The following INTS5 variants were observed in gnomAD, a reference collection of about 807,000 sequenced individuals.
INTS5 encodes integrator complex subunit 5, also known as KIAA1698.
INTS5 carries 29 observed loss-of-function variants against 60.0 expected under a neutral mutation model. That is an observed-to-expected ratio of 0.48 (90% CI 0.36 to 0.66). The LOEUF (loss-of-function observed/expected upper bound fraction) is 0.66, where lower values mean the gene tolerates loss of function less well. Among genes scored for constraint, INTS5 ranks in the 30% least tolerant of loss-of-function variants. The pLI is 0.00. For missense variants in INTS5, 1,129 were observed against 1,307.9 expected (o/e 0.86, Z 2.11); for synonymous variants, 588 against 558.8 (o/e 1.05, Z -0.74).
At position 62,648,819 on chromosome 11, in the gene INTS5, T is replaced by C; in HGVS notation, c.1261A>G (p.Thr421Ala). ...TCTGGCACAGCCAGGCCCTGGGTGG[T>C]AATGACCGAAGCAGGCATAGCTGTG... The part of the protein sequence containing the change: ...VDTAMPASVI[T>A]TQGLAVPDTV... Residue 421 changes from threonine to alanine, a missense_variant, in exon 2 of 2, where the codon ACC becomes GCC. Physicochemically the swap from Thr to Ala is moderately conservative, Grantham distance 58. Transcript: ENST00000330574. The surrounding 1 kb of genome is among the most constrained non-coding windows in gnomAD (Gnocchi z 4.4). 6.2e-7 allele frequency: 1 copy of C among 1,614,022 alleles called. No individual in the cohort carries two copies. The highest frequency in any genetic ancestry group is 1.3e-5 in the African/African-American group (1 of 75,018).
Position 62,648,713 on chromosome 11 carries a change from G to T in INTS5, c.1367C>A (p.Ser456Tyr). 6.2e-7 allele frequency: 1 copy of T among 1,614,170 alleles called. No homozygotes were observed. Among genetic ancestry groups the T allele is most frequent in the Non-Finnish European group, 8.5e-7 (1 of 1,180,026 alleles). ...LQKLVHHRGG[S>Y]PGEGVLGPPP... is the part of the protein sequence containing the mutation. Reference sequence around the variant, plus strand: ...CGGGCCTAGCACCCCTTCCCCAGGAGACCCTCCCCGGTGATGAACCAGTTT... The same window carrying T: ...CGGGCCTAGCACCCCTTCCCCAGGATACCCTCCCCGGTGATGAACCAGTTT... The change falls in exon 2 of 2, where the codon TCT (serine) becomes TAT (tyrosine). Residue 456 changes from serine to tyrosine, a missense_variant. Ser to Tyr is a moderately radical substitution (Grantham distance 144). Transcript: ENST00000330574. The surrounding 1 kb of genome is among the most constrained non-coding windows in gnomAD (Gnocchi z 4.4).
At chr11:62,652,700 A>ATTT (rs1944605748) in intron 1 of INTS5, among the ~76,000 whole-genome samples, 1 of 152,134 alleles carries the variant, frequency 6.6e-6, no homozygotes. Flanking sequence ...TTTTCTGTCA[A>ATTT]AGAAGACAGC....
intron 1 of INTS5, 148 bp from the exon 2 acceptor site, chr11:62,650,147 C>T (rs1490345689): frequency 3.1e-6 from 2 of 649,626 alleles, no homozygotes; most frequent in Non-Finnish European, 5.2e-6. Flanking sequence ...GATGGAGTCT[C>T]GCTCTGTTGT....
rs80125678 is a variant in INTS5, at chr11:62,648,591, G to T, written c.1489C>A (p.Leu497Ile). ...ETLRLERKRF[L>I]WQHQLLGLLS... is the part of the protein sequence containing the mutation. ...AGGCCCAAGAGCTGGTGCTGCCAGA[G>T]GAAGCGCTTCCGTTCCAATCGTAAC... The change falls in exon 2 of 2, where the codon CTC (leucine) becomes ATC (isoleucine). Residue 497 changes from leucine to isoleucine, a missense_variant. By Grantham distance (5) the Leu-to-Ile change is conservative. Coordinates refer to ENST00000330574, the MANE Select transcript of INTS5 (RefSeq NM_030628.2). The surrounding 1 kb of genome is among the most constrained non-coding windows in gnomAD (Gnocchi z 4.4). The T allele has an allele frequency of 3.7e-4, 593 of 1,614,128 alleles. 1 individual carries two copies. In the African/African-American group the frequency reaches 6.2e-3, roughly 17 times the overall value.
rs765862988 is a variant in INTS5, at chr11:62,649,911, G to A, written c.169C>T (p.Arg57Cys). 9.3e-6 allele frequency: 15 copies of A among 1,614,172 alleles called. No individual in the cohort carries two copies. Among genetic ancestry groups the A allele is most frequent in the East Asian group, 6.7e-5 (3 of 44,882 alleles). The change falls in exon 2 of 2, where the codon CGC becomes TGC. Residue 57 changes from arginine to cysteine, a missense_variant. By Grantham distance (180) the Arg-to-Cys change is radical (BLOSUM62 -3). Coordinates refer to ENST00000330574, the MANE Select transcript of INTS5 (RefSeq NM_030628.2). The surrounding 1 kb of genome is among the most constrained non-coding windows in gnomAD (Gnocchi z 6.0). ...GHQLSAREHA[R>C]CGLLLLRSLP... Reference sequence around the variant, plus strand: ...GAACGGAGCAGGAGAAGACCACAGCGAGCATGTTCCCGGGCTGAGAGTTGG... The same window carrying A: ...GAACGGAGCAGGAGAAGACCACAGCAAGCATGTTCCCGGGCTGAGAGTTGG...
At position 62,649,463 on chromosome 11, in the gene INTS5, T is replaced by C. The variant is rs750629885; in HGVS notation, c.617A>G (p.Asp206Gly). The C allele has an allele frequency of 3.7e-6, 6 of 1,614,172 alleles. No individual in the cohort carries two copies. The highest frequency in any genetic ancestry group is 4.2e-6 in the Non-Finnish European group (5 of 1,180,032). Residue 206 changes from aspartate (D) to glycine (G), a missense_variant, in exon 2 of 2, where the codon GAT (aspartate) becomes GGT (glycine). By Grantham distance (94) the Asp-to-Gly change is moderately conservative. Coordinates refer to ENST00000330574, the MANE Select transcript of INTS5 (RefSeq NM_030628.2). The surrounding 1 kb of genome is among the most constrained non-coding windows in gnomAD (Gnocchi z 6.0). ...CLSALIGSCP[D>G]ACVDALLDTS... ...ATCCAGCAAGGCATCCACACACGCA[T>C]CTGGGCAGCTACCAATGAGAGCCGA...
rs1355329484 is a variant in INTS5 at position 62,648,554 on chromosome 11, T to A, written c.1526A>T (p.Tyr509Phe). The change falls in exon 2 of 2, where the codon TAT becomes TTT. Residue 509 changes from tyrosine to phenylalanine, a missense_variant. Transcript: ENST00000330574. This position sits in a 1 kb window ranked among gnomAD's most constrained non-coding sequence, Gnocchi z 4.4. The part of the protein sequence containing the change: ...QHQLLGLLSV[Y>F]TRPSCGPEAL... ...CTCAGGTCCACAGCTAGGCCGGGTA[T>A]AGACAGACAGCAGGCCCAAGAGCTG... 1.2e-6 allele frequency: 2 copies of A among 1,614,012 alleles called. No individual in the cohort carries two copies. The highest frequency in any genetic ancestry group is 1.7e-6 in the Non-Finnish European group (2 of 1,180,050).
In INTS5 at chr11:62,647,896, C is replaced by G. The variant is rs768896981; in HGVS notation, c.2184G>C (p.Leu728=). 1.2e-6 allele frequency: 2 copies of G among 1,614,232 alleles called. No individual in the cohort carries two copies. Among genetic ancestry groups the G allele is most frequent in the Non-Finnish European group, 8.5e-7 (1 of 1,180,028 alleles). Residue 728 remains leucine, a synonymous_variant, in exon 2 of 2, where the codon CTG becomes CTC. Transcript: ENST00000330574. ...VVSASLASAS[L]LDTNRRHTAA... ...CAGTGTGCCTCCGGTTAGTGTCCAA[C>G]AGGGAGGCAGAAGCCAAAGAAGCTG... is the stretch of plus-strand genomic sequence containing the variant.
Position 62,649,218 on chromosome 11 carries a change from C to T in INTS5, c.862G>A (p.Val288Met). ...GSPAIPAEKR[V>M]PKIASVVGIL... ...CCTACAACTGAGGCAATCTTGGGCA[C>T]CCGTTTCTCCGCAGGAATGGCAGGA... The change falls in exon 2 of 2, where the codon GTG (valine) becomes ATG (methionine). Residue 288 changes from valine (V) to methionine (M), a missense_variant. Around this residue, in one of 3 missense-constraint regions of INTS5, gnomAD observed 1,070 missense variants for 1,246.1 expected, o/e 0.86. Coordinates refer to ENST00000330574, the MANE Select transcript of INTS5 (RefSeq NM_030628.2). The surrounding 1 kb of genome is among the most constrained non-coding windows in gnomAD (Gnocchi z 6.0). 2 of 1,613,810 alleles carry T rather than the reference C, an allele frequency of 1.2e-6. No individual in the cohort carries two copies. Among genetic ancestry groups the T allele is most frequent in the Non-Finnish European group, 1.7e-6 (2 of 1,179,768 alleles).
At chr11:62,651,149 C>G (rs981967167) in intron 1 of INTS5, among the ~76,000 whole-genome samples, 3 of 152,092 alleles carry the variant, frequency 2.0e-5, no homozygotes, top group Admixed American at 6.6e-5. Context: ...CTCGCTCTGC[C>G]GCCCAGGCTG....
Position 62,647,814 on chromosome 11 carries a change from G to A in INTS5, c.2266C>T (p.Arg756Cys), listed in dbSNP as rs761118755. The change falls in exon 2 of 2, where the codon CGT becomes TGT. Residue 756 changes from arginine (R) to cysteine (C), a missense_variant. Around this residue, in one of 3 missense-constraint regions of INTS5, gnomAD observed 1,070 missense variants for 1,246.1 expected, o/e 0.86. Coordinates refer to ENST00000330574, the MANE Select transcript of INTS5 (RefSeq NM_030628.2). ...WSVFHAGVIGRGLKPPKFVQS... is the reference protein window; with the variant it reads ...WSVFHAGVIGCGLKPPKFVQS... ...ACAAACTTGGGTGGCTTTAAGCCAC[G>A]GCCGATGACTCCAGCATGGAAAACT... 3.9e-5 allele frequency: 63 copies of A among 1,614,074 alleles called. No individual in the cohort carries two copies. In the Admixed American group the frequency reaches 7.5e-4, roughly 19 times the overall value.
At position 62,646,967 on chromosome 11, in the gene INTS5, T is replaced by A; in HGVS notation, c.*53A>T. 7.0e-7 allele frequency: 1 copy of A among 1,433,104 alleles called. No homozygotes were observed. The highest frequency in any genetic ancestry group is 2.3e-5 in the East Asian group (1 of 43,728). 88.8% of individuals were successfully genotyped at this position (1,433,104 alleles called of 1,614,324 possible). A position where few individuals can be genotyped will look rare whatever the true frequency, so the allele number is the denominator to read the frequency against. ...CCTCCACCCTTCCGGAGCACGTTAG[T>A]CCCTTCCCTCTCTCACTGCTCAACC... On this transcript the variant is annotated 3_prime_UTR_variant, in exon 2 of 2. Transcript: ENST00000330574.
In INTS5 at chr11:62,647,046, A is replaced by ACTC; in HGVS notation, c.3033_3034insGAG (p.Pro1011_Ser1012insGlu). The ACTC allele has an allele frequency of 1.2e-6, 2 of 1,613,070 alleles. No homozygotes were observed. ...TACGTCCCCTGTCGAAGGAGAGTGG[A>ACTC]CGGTGAAGGTGCCTGGAAACGGCCA... On this transcript the variant is annotated inframe_insertion, in exon 2 of 2. Coordinates refer to ENST00000330574, the MANE Select transcript of INTS5 (RefSeq NM_030628.2).
rs770516053 is a variant in INTS5 at position 62,647,245 on chromosome 11, A to G, written c.2835T>C (p.Ser945=). Reference sequence around the variant, plus strand: ...CATGCTCCCGGAGAAAACCCCAGACACTGAGCAGCAGCAGACGCACCTCGA... The same window carrying G: ...CATGCTCCCGGAGAAAACCCCAGACGCTGAGCAGCAGCAGACGCACCTCGA... ...APFEVRLLLL[S]VWGFLREHGP... The change falls in exon 2 of 2, where the codon AGT becomes AGC. Residue 945 remains serine (S), a synonymous_variant. Coordinates refer to ENST00000330574, the MANE Select transcript of INTS5 (RefSeq NM_030628.2). 4.3e-6 allele frequency: 7 copies of G among 1,614,092 alleles called. No individual in the cohort carries two copies. In the East Asian group the frequency reaches 6.7e-5, roughly 15 times the overall value.
chr11:62,650,347 A>C (rs1001759069), intron 1 of INTS5, among the ~76,000 whole-genome samples: 2 of 151,938 alleles, frequency 1.3e-5, no homozygotes, highest in African/African-American at 2.4e-5. Context: ...TGATCTCCTG[A>C]CCTCATGATC....
At position 62,653,297 on chromosome 11, in the gene INTS5, G is replaced by A; in HGVS notation, c.-48C>T. The A allele has an allele frequency of 8.4e-7, 1 of 1,195,478 alleles. No homozygotes were observed. The highest frequency in any genetic ancestry group is 1.1e-6 in the Non-Finnish European group (1 of 946,992). The allele number at this position is 1,195,478 out of a possible 1,614,324, so 74.1% of individuals were successfully genotyped here. A position where few individuals can be genotyped will look rare whatever the true frequency, so the allele number is the denominator to read the frequency against. ...AGGCGCGAGCGGCGGAGCGCAGGCG[G>A]CGCATGCGCGCTGACAGGAAACGCG... On this transcript the variant is annotated 5_prime_UTR_variant, in exon 1 of 2. Transcript: ENST00000330574.
chr11:62,652,266 C>G (rs1199958246), intron 1 of INTS5, among the ~76,000 whole-genome samples: 2 of 151,948 alleles, frequency 1.3e-5, no homozygotes, highest in African/African-American at 4.8e-5. Context: ...TTGCAGTAAG[C>G]CGAGATCACG....
intron 1 of INTS5, 88 bp from the exon 2 acceptor site, chr11:62,650,087 A>G (rs1944582222): frequency 9.8e-7 from 1 of 1,017,202 alleles, no homozygotes; most frequent in Non-Finnish European, 1.4e-6. Context: ...CTTTTATGTT[A>G]AATAGGGATA....
At position 62,648,261 on chromosome 11, in the gene INTS5, G is replaced by A. The variant is rs1013831137; in HGVS notation, c.1819C>T (p.Leu607=). Residue 607 remains leucine, a synonymous_variant, in exon 2 of 2, where the codon CTG becomes TTG. Coordinates refer to ENST00000330574, the MANE Select transcript of INTS5 (RefSeq NM_030628.2). The surrounding 1 kb of genome is among the most constrained non-coding windows in gnomAD (Gnocchi z 4.4). ...AHFGESASAH[L]SDLAPLLLHP... is the part of the protein sequence containing the mutation. ...AGCAGGAGAGGAGCCAGGTCAGACAGATGGGCTGAGGCAGATTCCCCAAAG... is the reference window on the plus strand; with the variant it reads ...AGCAGGAGAGGAGCCAGGTCAGACAAATGGGCTGAGGCAGATTCCCCAAAG... 4 of 1,613,870 alleles carry A rather than the reference G, an allele frequency of 2.5e-6. No homozygotes were observed. The highest frequency in any genetic ancestry group is 3.3e-5 in the Admixed American group (2 of 60,026).
Sources: allele counts gnomAD v4.1 joint callset (sites outside exome capture counted in the v4.1 genomes callset), GRCh38; gene constraint gnomAD v4.1.1; regional missense constraint gnomAD v4.1.1; non-coding constraint Gnocchi (gnomAD v3.1); transcripts MANE v1.5; gene names NCBI Gene and HGNC (gene_info 2026-07-23, HGNC 2026-07-21).